The following LAMA5 variants were observed in gnomAD, a reference collection of about 807,000 sequenced individuals.
The protein encoded by LAMA5 is laminin subunit alpha 5.
LAMA5 carries 260 observed loss-of-function variants against 433.4 expected under a neutral mutation model. The ratio of observed to expected loss-of-function variants is 0.60; its 90% CI spans 0.54 to 0.66. The LOEUF is 0.66. Ranked by LOEUF, LAMA5 falls within the 30% of genes least tolerant of loss-of-function variation. LAMA5 has a pLI of 0.00. For synonymous variants in LAMA5, 2,620 were observed against 2,226.6 expected, an observed-to-expected ratio of 1.18 and a Z score of -4.97; for missense variants, 5,378 against 5,258.5, an observed-to-expected ratio of 1.02 and a Z score of -0.70.
intron 50 of LAMA5, 36 bp from the exon 51 acceptor site, chr20:62,319,831 T>A: frequency 6.7e-7 from 1 of 1,495,392 alleles, no homozygotes; most frequent in South Asian, 1.2e-5. Flanking sequence ...ACGCTGCTGG[T>A]AGGCGAGGGT....
At chr20:62,321,504 G>A (rs866447784) in intron 48 of LAMA5, among the ~76,000 whole-genome samples, 2 of 23,420 alleles carry the variant, frequency 8.5e-5, no homozygotes, top group Non-Finnish European at 1.7e-4. Context: ...GTGGAGGGGT[G>A]GGGTCAGTGG....
intron 51 of LAMA5, 116 bp downstream of exon 51, chr20:62,319,568 A>T (rs1294126157): frequency 1.4e-6 from 1 of 710,230 alleles, no homozygotes; most frequent in Non-Finnish European, 2.4e-6. Context: ...GTCGTCTCCC[A>T]TCTAAAAGAC....
At chr20:62,361,592 G>A (rs959151314) in intron 2 of LAMA5, among the ~76,000 whole-genome samples, 3 of 152,228 alleles carry the variant, frequency 2.0e-5, no homozygotes, top group East Asian at 3.8e-4. Context: ...CTGGGGCAGC[G>A]GCGGAGCCGG....
intron 52 of LAMA5, 71 bp from the exon 53 acceptor site, chr20:62,318,721 G>C (rs1387936585): frequency 6.3e-6 from 10 of 1,575,742 alleles, no homozygotes; most frequent in South Asian, 2.3e-5. Flanking sequence ...TCTCCACTTG[G>C]TGCCCGCCAG....
chr20:62,334,753 C>CAGGGCTCAGGGCGAGAGCG, intron 20 of LAMA5, 132 bp from the exon 21 acceptor site: 1 of 581,998 alleles, frequency 1.7e-6, no homozygotes, highest in Non-Finnish European at 3.1e-6. Flanking sequence ...GCTCAGGGCT[C>CAGGGCTCAGGGCGAGAGCG]AGGGCGAGGG....
intron 2 of LAMA5, among the ~76,000 whole-genome samples, chr20:62,356,835 C>T (rs1985311195): frequency 6.6e-6 from 1 of 152,228 alleles, no homozygotes; most frequent in East Asian, 1.9e-4. Context: ...GTTTGAGCGC[C>T]CTGGGAGGGA....
At position 62,318,580 on chromosome 20, in the gene LAMA5, G is replaced by T. The variant is rs111275179; in HGVS notation, c.7113C>A (p.Arg2371=). The change falls in exon 53 of 80, where the codon CGC becomes CGA. Residue 2371 remains arginine (R), a synonymous_variant. Transcript: ENST00000252999. ...CGGCCTCGTGCTGGGCCAGCCGGTC[G>T]CGGGTTTGTGTGGCCAGTGCCTGGT... ...EENQALATQT[R]DRLAQHEAGL... The T allele has an allele frequency of 1.2e-5, 19 of 1,610,638 alleles. No homozygotes were observed. Among genetic ancestry groups the T allele is most frequent in the Admixed American group, 1.7e-5 (1 of 59,906 alleles).
intron 19 of LAMA5, 25 bp from the exon 20 acceptor site, chr20:62,335,151 G>A: frequency 6.2e-7 from 1 of 1,612,602 alleles, no homozygotes; most frequent in South Asian, 1.1e-5. Flanking sequence ...AGGAGGTGAA[G>A]TGGGGCAGGG....
intron 55 of LAMA5, 122 bp from the exon 56 acceptor site, chr20:62,317,145 C>T: frequency 7.9e-7 from 1 of 1,270,414 alleles, no homozygotes; most frequent in Non-Finnish European, 1.1e-6. Flanking sequence ...GCCTCCAGGT[C>T]TTTGCCCGTG....
Position 62,323,571 on chromosome 20 carries a change from G to A in LAMA5, c.5949C>T (p.Asp1983=). Residue 1983 remains aspartate, a synonymous_variant, in exon 45 of 80, where the codon GAC becomes GAT. Transcript: ENST00000252999. ...GNGDPNLLFS[D]CDPLTGACRG... is the part of the protein sequence containing the mutation. The stretch of plus-strand genomic sequence containing the variant: ...GGCAGGCGCCCGTCAGGGGGTCGCA[G>A]TCGCTGAAGAGCAAGTTGGGGTCAC... 6.2e-7 allele frequency: 1 copy of A among 1,606,182 alleles called. No homozygotes were observed. The highest frequency in any genetic ancestry group is 8.5e-7 in the Non-Finnish European group (1 of 1,177,860).
intron 16 of LAMA5, 36 bp downstream of exon 16, chr20:62,337,554 C>T (rs1182612922): frequency 3.8e-6 from 6 of 1,568,980 alleles, no homozygotes; most frequent in South Asian, 3.5e-5. Flanking sequence ...ACACACAGGC[C>T]CGGCACCTGG....
At chr20:62,333,836 AGTGGG>A (rs141833594) in intron 23 of LAMA5, 60 bp downstream of exon 23, 16 of 1,176,872 alleles carry the variant, frequency 1.4e-5, no homozygotes, top group East Asian at 5.5e-5. Context: ...GGGGCTTGGG[AGTGGG>A]GTGGGGTGGG....
Position 62,330,747 on chromosome 20 carries a change from G to T in LAMA5, c.3848C>A (p.Pro1283His), listed in dbSNP as rs1406148971. 1.3e-6 allele frequency: 2 copies of T among 1,559,734 alleles called. No individual in the cohort carries two copies. The highest frequency in any genetic ancestry group is 1.7e-6 in the Non-Finnish European group (2 of 1,152,606). The change falls in exon 30 of 80, where the codon CCC becomes CAC. Residue 1283 changes from proline to histidine, a missense_variant. Transcript: ENST00000252999. ...PDAEPTLLRE[P>H]QATVVFTTHV... ...TCTAGAGACTATGGCCCTCACCTGG[G>T]GCTCACGCAGCAGGGTGGGCTCTGC...
intron 46 of LAMA5, 99 bp from the exon 47 acceptor site, chr20:62,322,548 G>A (rs1270358256): frequency 1.4e-6 from 2 of 1,440,238 alleles, no homozygotes; most frequent in African/African-American, 1.4e-5. Flanking sequence ...ACCCCCTGAG[G>A]CTCTGCCCAT....
chr20:62,353,410 G>A lies in LAMA5; in HGVS notation c.451-159C>T, dbSNP rs115949585. 3.7e-3 allele frequency: 2,074 copies of A among 557,024 alleles called. 44 individuals are homozygous for A. The highest frequency in any genetic ancestry group is 0.036 in the African/African-American group (1,852 of 51,252). 34.5% of individuals were successfully genotyped at this position (557,024 alleles called of 1,614,324 possible). Reference sequence around the variant, plus strand: ...CTGGGTTTGCCTGTGTGGGGCAGACGAACCCAGGGGAGAGGGCTCCCCAGG... The same window carrying A: ...CTGGGTTTGCCTGTGTGGGGCAGACAAACCCAGGGGAGAGGGCTCCCCAGG... On this transcript the variant is annotated intron_variant, in intron 2 of 79. Transcript: ENST00000252999.
intron 50 of LAMA5, 75 bp from the exon 51 acceptor site, chr20:62,319,870 G>C: frequency 8.5e-7 from 1 of 1,180,204 alleles, no homozygotes. Flanking sequence ...CCTGGGGTCT[G>C]GGGGAGCGCC....
intron 41 of LAMA5, 156 bp downstream of exon 41, chr20:62,325,160 G>A: frequency 3.7e-6 from 2 of 546,368 alleles, no homozygotes; most frequent in Non-Finnish European, 6.4e-6. Flanking sequence ...GCAGGCCCAT[G>A]AGTTGGCCAG....
At chr20:62,313,577 C>A (rs966087790) in intron 63 of LAMA5, 72 bp downstream of exon 63, 43 of 1,577,628 alleles carry the variant, frequency 2.7e-5, no homozygotes, top group Non-Finnish European at 3.5e-5. Context: ...AAAGAACCCG[C>A]GGCTCTCCAG....
chr20:62,311,883 C>A (rs1320832818), intron 70 of LAMA5, 37 bp downstream of exon 70: 3 of 1,590,672 alleles, frequency 1.9e-6, no homozygotes, highest in Non-Finnish European at 2.6e-6. Context: ...GGCGTCCCTC[C>A]AGACCTTCAC....
Sources: gnomAD v4.1 joint callset for allele counts (sites outside exome capture counted in the v4.1 genomes callset) on GRCh38, gnomAD v4.1.1 for gene constraint, MANE v1.5 for transcripts, NCBI Gene and HGNC (gene_info 2026-07-23, HGNC 2026-07-21) for gene names.